Variants in ZNHIT6 observed in about 807,000 individuals in gnomAD.
The protein encoded by ZNHIT6 is zinc finger HIT-type containing 6.
A neutral mutation model predicts 57.2 loss-of-function variants in ZNHIT6; 45 were observed. That is an observed-to-expected ratio of 0.79 (90% CI 0.62 to 1.01). ZNHIT6 has a LOEUF of 1.01. Ranked by LOEUF, ZNHIT6 falls within the 50% of genes least tolerant of loss-of-function variation. ZNHIT6 has a pLI of 0.00. For synonymous variants in ZNHIT6, 188 were observed against 190.0 expected, an observed-to-expected ratio of 0.99 and a Z score of 0.09; for missense variants, 528 against 567.3, an observed-to-expected ratio of 0.93 and a Z score of 0.70.
chr1:85,654,180 C>T, intron 9 of ZNHIT6, 82 bp from the exon 10 acceptor site: 1 of 1,211,836 alleles, frequency 8.3e-7, no homozygotes, highest in Non-Finnish European at 1.2e-6. Flanking sequence ...CTCCCTCCTT[C>T]TGATGTACAG....
chr1:85,683,353 C>CT (rs745978629), intron 5 of ZNHIT6, among the ~76,000 whole-genome samples: 8 of 152,016 alleles, frequency 5.3e-5, no homozygotes, highest in Non-Finnish European at 1.0e-4. Context: ...CCCGTCTCTA[C>CT]TAAAAACACA....
At position 85,708,278 on chromosome 1, in the gene ZNHIT6, A is replaced by T; in HGVS notation, c.7T>A (p.Phe3Ile). The T allele has an allele frequency of 6.3e-7, 1 of 1,595,128 alleles. No individual in the cohort carries two copies. Among genetic ancestry groups the T allele is most frequent in the Non-Finnish European group, 8.6e-7 (1 of 1,169,016 alleles). Residue 3 changes from phenylalanine to isoleucine, a missense_variant, in exon 1 of 10, where the codon TTT becomes ATT. Coordinates refer to ENST00000370574, the MANE Select transcript of ZNHIT6 (RefSeq NM_017953.4). Reference sequence around the variant, plus strand: ...GACTTCCCTTCATTTTCAGCAGCAAACTCCATCAACTCACGATCCTTGGCC... The same window carrying T: ...GACTTCCCTTCATTTTCAGCAGCAATCTCCATCAACTCACGATCCTTGGCC... ME[F>I]AAENEGKSGG... is the part of the protein sequence containing the mutation.
intron 5 of ZNHIT6, among the ~76,000 whole-genome samples, chr1:85,696,232 C>A (rs1662367668): frequency 6.6e-6 from 1 of 150,468 alleles, no homozygotes; most frequent in African/African-American, 2.4e-5. Context: ...TGGAATGTAA[C>A]GGTGCAATCA....
intron 8 of ZNHIT6, among the ~76,000 whole-genome samples, chr1:85,674,909 C>G (rs969122326): frequency 3.9e-5 from 6 of 152,134 alleles, no homozygotes; most frequent in African/African-American, 1.4e-4. Flanking sequence ...AAAAGATAAA[C>G]AGGGGATACT....
chr1:85,687,287 AC>A (rs201317764), intron 5 of ZNHIT6, among the ~76,000 whole-genome samples: 3,888 of 127,290 alleles, frequency 0.031, 918 homozygotes, highest in African/African-American at 0.067. Flanking sequence ...ATCTCAAAAA[AC>A]AAAAAAAAAA....
intron 9 of ZNHIT6, among the ~76,000 whole-genome samples, chr1:85,655,016 G>A (rs551843840): frequency 2.0e-5 from 3 of 152,220 alleles, no homozygotes; most frequent in Non-Finnish European, 4.4e-5. Context: ...GTTTGCTGTT[G>A]TACCTAGACT....
At chr1:85,703,654 G>T (rs1662601135) in intron 4 of ZNHIT6, among the ~76,000 whole-genome samples, 1 of 152,118 alleles carries the variant, frequency 6.6e-6, no homozygotes, top group African/African-American at 2.4e-5. Context: ...AGACATAAGT[G>T]TAAAACACAA....
chr1:85,708,403 A>T lies in ZNHIT6; in HGVS notation c.-119T>A. ...GGCCCACGTGTGGAGCCAAGCAGCCACAAACCCGGAATAGCCTGCTTGACG... is the reference window on the plus strand; with the variant it reads ...GGCCCACGTGTGGAGCCAAGCAGCCTCAAACCCGGAATAGCCTGCTTGACG... On this transcript the variant is annotated 5_prime_UTR_variant, in exon 1 of 10. Coordinates refer to ENST00000370574, the MANE Select transcript of ZNHIT6 (RefSeq NM_017953.4). 1 of 1,312,472 alleles carries T rather than the reference A, an allele frequency of 7.6e-7. No individual in the cohort carries two copies. Among genetic ancestry groups the T allele is most frequent in the Non-Finnish European group, 1.0e-6 (1 of 972,842 alleles). The allele number at this position is 1,312,472 out of a possible 1,614,324, so 81.3% of individuals were successfully genotyped here. A position where few individuals can be genotyped will look rare whatever the true frequency, so the allele number is the denominator to read the frequency against.
chr1:85,687,293 AAAAAAC>A lies in ZNHIT6; in HGVS notation c.1020-6395_1020-6390del, dbSNP rs1557860978. Reference sequence around the variant, plus strand: ...GAGAAGACTATCTCAAAAAACAAAAAAAAAACAAAAAAAAAAAACAATTTAGAACCC... The same window carrying A: ...GAGAAGACTATCTCAAAAAACAAAAAAAAAAAAAAAAACAATTTAGAACCC... On this transcript the variant is annotated intron_variant, in intron 5 of 9. Coordinates refer to ENST00000370574, the MANE Select transcript of ZNHIT6 (RefSeq NM_017953.4). Among the ~76,000 whole-genome samples the A allele has an allele frequency of 1.9e-4, 25 of 132,984 alleles. 3 individuals carry two copies. Among genetic ancestry groups the A allele is most frequent in the African/African-American group, 4.2e-4 (15 of 35,814 alleles). The allele number at this position is 132,984 out of a possible 152,430, so 87.2% of individuals were successfully genotyped here.
intron 8 of ZNHIT6, among the ~76,000 whole-genome samples, chr1:85,663,599 T>C (rs971281722): frequency 1.2e-4 from 18 of 152,150 alleles, no homozygotes; most frequent in African/African-American, 3.9e-4. Flanking sequence ...TTGCACTTTA[T>C]GGGGGGAGGC....
chr1:85,677,345 C>T, intron 7 of ZNHIT6, 32 bp from the exon 8 acceptor site: 1 of 1,562,746 alleles, frequency 6.4e-7, no homozygotes. Flanking sequence ...GAAGGAAAAG[C>T]TGATTTTTAA....
At chr1:85,690,754 G>A (rs1209383898) in intron 5 of ZNHIT6, among the ~76,000 whole-genome samples, 1 of 152,122 alleles carries the variant, frequency 6.6e-6, no homozygotes, top group South Asian at 2.1e-4. Context: ...GGCTGGGCGG[G>A]GTAGCTCACA....
chr1:85,668,503 T>C (rs940876491), intron 8 of ZNHIT6, among the ~76,000 whole-genome samples: 1 of 152,206 alleles, frequency 6.6e-6, no homozygotes, highest in East Asian at 1.9e-4. Context: ...GCTGTTTACA[T>C]AAGAAAAGAC....
intron 9 of ZNHIT6, 94 bp downstream of exon 9, chr1:85,657,753 T>G: frequency 8.0e-7 from 1 of 1,251,082 alleles, no homozygotes; most frequent in South Asian, 1.4e-5. Context: ...GTAAATATAG[T>G]GGGAAAACAC....
intron 4 of ZNHIT6, among the ~76,000 whole-genome samples, chr1:85,705,417 T>C (rs1360666181): frequency 6.6e-6 from 1 of 152,148 alleles, no homozygotes; most frequent in African/African-American, 2.4e-5. Flanking sequence ...GTTTTCACCA[T>C]GTTGCCCAGG....
Position 85,702,184 on chromosome 1 carries a change from T to C in ZNHIT6, c.992A>G (p.Lys331Arg). ...KLLPNGFTKR[K>R]ENSTFFDKKK... The stretch of plus-strand genomic sequence containing the variant: ...CTTATCAAAAAAGGTTGAATTCTCC[T>C]TCCTCTTGGTGAATCCATTGGGTAG... Residue 331 changes from lysine to arginine, a missense_variant, in exon 5 of 10, where the codon AAG becomes AGG. Lys to Arg is a conservative substitution (Grantham distance 26). Coordinates refer to ENST00000370574, the MANE Select transcript of ZNHIT6 (RefSeq NM_017953.4). The C allele has an allele frequency of 1.2e-6, 2 of 1,607,302 alleles. No individual in the cohort carries two copies. The highest frequency in any genetic ancestry group is 1.7e-6 in the Non-Finnish European group (2 of 1,178,186).
chr1:85,667,961 A>AAAAAAAATAT, intron 8 of ZNHIT6, among the ~76,000 whole-genome samples: 3 of 18,202 alleles, frequency 1.6e-4, no homozygotes, highest in East Asian at 3.4e-3. Flanking sequence ...AAAAAAAAAA[A>AAAAAAAATAT]ATATATATAT....
At chr1:85,659,657 C>T (rs1661170891) in intron 8 of ZNHIT6, among the ~76,000 whole-genome samples, 1 of 152,094 alleles carries the variant, frequency 6.6e-6, no homozygotes, top group Admixed American at 6.5e-5. Context: ...TTATCTGCAC[C>T]ATAATCATAG....
At chr1:85,699,113 A>G (rs1347823955) in intron 5 of ZNHIT6, among the ~76,000 whole-genome samples, 1 of 152,146 alleles carries the variant, frequency 6.6e-6, no homozygotes, top group Admixed American at 6.5e-5. Flanking sequence ...AAAAGTTAAT[A>G]GAAAAAAGTA....
Sources: allele counts gnomAD v4.1 joint callset (sites outside exome capture counted in the v4.1 genomes callset), GRCh38; gene constraint gnomAD v4.1.1; transcripts MANE v1.5; gene names NCBI Gene and HGNC (gene_info 2026-07-23, HGNC 2026-07-21).